Variants in CSMD1 observed in about 807,000 individuals in gnomAD.
The protein encoded by CSMD1 is CUB and Sushi multiple domains 1.
CSMD1 carries 213 observed loss-of-function variants against 417.5 expected under a neutral mutation model. The ratio of observed to expected loss-of-function variants is 0.51; its 90% confidence interval spans 0.46 to 0.57. The LOEUF is 0.57. Among genes scored for constraint, CSMD1 ranks in the 20% least tolerant of loss-of-function variants. The probability of loss-of-function intolerance (pLI) is 0.00; values close to 1 mark genes in which losing one functional copy is unlikely to be tolerated. For missense variants in CSMD1, 6,923 were observed against 4,529.7 expected, an observed-to-expected ratio of 1.53 and a Z score of -15.17; for synonymous variants, 2,862 against 1,736.8, an observed-to-expected ratio of 1.65 and a Z score of -16.11.
At chr8:3,683,470 G>A (rs376559844) in intron 7 of CSMD1, among the ~76,000 whole-genome samples, 1 of 152,244 alleles carries the variant, frequency 6.6e-6, no homozygotes, top group East Asian at 1.9e-4. Context: ...TCCATTTCTG[G>A]AGGGGTGTTC....
chr8:2,974,450 C>G lies in CSMD1; in HGVS notation c.8740+1G>C. 1 of 1,591,432 alleles carries G rather than the reference C, an allele frequency of 6.3e-7. No homozygotes were observed. Among genetic ancestry groups the G allele is most frequent in the Non-Finnish European group, 8.6e-7 (1 of 1,165,456 alleles). ...TGTCAGTTCACTCGTAAGCCCCTCA[C>G]CTGTGCAGTGGGGCAGTGCCCCGCT... On this transcript the variant is annotated splice_donor_variant, in intron 56 of 69. Transcript: ENST00000635120. LOFTEE classifies it high-confidence loss of function.
intron 3 of CSMD1, among the ~76,000 whole-genome samples, chr8:4,130,245 G>A (rs1320947634): frequency 1.3e-5 from 2 of 152,094 alleles, no homozygotes; most frequent in Non-Finnish European, 2.9e-5. Context: ...ATGTAAGTTT[G>A]GAGAGCCAAG....
chr8:3,873,585 C>T (rs140459161), intron 5 of CSMD1, among the ~76,000 whole-genome samples: 1 of 151,970 alleles, frequency 6.6e-6, no homozygotes, highest in Non-Finnish European at 1.5e-5. Context: ...AGAGCATCAG[C>T]AAAAATAACT....
At chr8:4,906,155 A>G (rs537564489) in intron 1 of CSMD1, among the ~76,000 whole-genome samples, 55 of 152,310 alleles carry the variant, frequency 3.6e-4, no homozygotes, top group Middle Eastern at 6.8e-3. Flanking sequence ...CTTCGCTTCA[A>G]AGGAAGTTTC....
intron 5 of CSMD1, among the ~76,000 whole-genome samples, chr8:3,836,269 C>T (rs1802694464): frequency 6.6e-6 from 1 of 152,048 alleles, no homozygotes; most frequent in Admixed American, 6.6e-5. Flanking sequence ...CACAATGTGG[C>T]ATTAAAAAAC....
intron 5 of CSMD1, among the ~76,000 whole-genome samples, chr8:3,817,472 G>C (rs147351694): frequency 2.6e-5 from 4 of 151,226 alleles, no homozygotes; most frequent in African/African-American, 9.7e-5. Flanking sequence ...GTAGAGACGG[G>C]GTTTCACCTC....
intron 4 of CSMD1, among the ~76,000 whole-genome samples, chr8:4,024,246 C>A (rs577842130): frequency 6.6e-6 from 1 of 152,152 alleles, no homozygotes; most frequent in African/African-American, 2.4e-5. Flanking sequence ...ATACTCATAT[C>A]AAGGTGTCAA....
chr8:4,598,160 A>G (rs1489233711), intron 2 of CSMD1, among the ~76,000 whole-genome samples: 1 of 152,208 alleles, frequency 6.6e-6, no homozygotes, highest in Non-Finnish European at 1.5e-5. Context: ...AAGTCAAGTT[A>G]GATAAATAAA....
intron 1 of CSMD1, among the ~76,000 whole-genome samples, chr8:4,834,020 G>A (rs1585181074): frequency 6.6e-6 from 1 of 152,108 alleles, no homozygotes; most frequent in South Asian, 2.1e-4. Flanking sequence ...GACCCGGGAT[G>A]CAATATCGTA....
At chr8:3,801,016 T>A (rs551752690) in intron 5 of CSMD1, among the ~76,000 whole-genome samples, 2 of 151,822 alleles carry the variant, frequency 1.3e-5, no homozygotes, top group Admixed American at 1.3e-4. Context: ...TAAAAATATT[T>A]GAAAAAAGCA....
intron 26 of CSMD1, among the ~76,000 whole-genome samples, chr8:3,256,080 G>C (rs951290939): frequency 1.3e-5 from 2 of 151,986 alleles, no homozygotes; most frequent in Non-Finnish European, 1.5e-5. Flanking sequence ...GTAATCCCAG[G>C]ACTTTGGGGG....
intron 2 of CSMD1, among the ~76,000 whole-genome samples, chr8:4,525,054 G>A (rs565763116): frequency 6.6e-6 from 1 of 151,964 alleles, no homozygotes; most frequent in Non-Finnish European, 1.5e-5. Context: ...TTCTGTTAAC[G>A]ATGTCAATTA....
intron 23 of CSMD1, among the ~76,000 whole-genome samples, chr8:3,338,988 C>A (rs1337903899): frequency 1.7e-5 from 2 of 117,596 alleles, no homozygotes; most frequent in East Asian, 6.0e-4. Flanking sequence ...CTCCCCCCTC[C>A]CCCCACCCCA....
At chr8:4,204,505 T>A (rs549555996) in intron 3 of CSMD1, among the ~76,000 whole-genome samples, 152 of 152,328 alleles carry the variant, frequency 1.0e-3, no homozygotes, top group African/African-American at 3.5e-3. Flanking sequence ...CCAGATTCAA[T>A]TTCCATAATT....
intron 10 of CSMD1, among the ~76,000 whole-genome samples, chr8:3,512,191 G>C (rs553687281): frequency 1.3e-5 from 2 of 152,220 alleles, no homozygotes; most frequent in East Asian, 3.9e-4. Context: ...TGGCACAGAT[G>C]AGTCTGTCCA....
intron 11 of CSMD1, among the ~76,000 whole-genome samples, chr8:3,472,198 C>A (rs762738451): frequency 6.6e-6 from 1 of 152,066 alleles, no homozygotes; most frequent in Non-Finnish European, 1.5e-5. Context: ...CACTCTACTG[C>A]AAGGTATAAC....
chr8:4,270,785 G>A (rs1165720841), intron 3 of CSMD1, among the ~76,000 whole-genome samples: 1 of 152,160 alleles, frequency 6.6e-6, no homozygotes, highest in East Asian at 1.9e-4. Context: ...CCAGGGGGCT[G>A]TGGCTTCCTT....
chr8:3,012,212 A>G (rs1213293961), intron 52 of CSMD1, among the ~76,000 whole-genome samples: 1 of 152,198 alleles, frequency 6.6e-6, no homozygotes, highest in Non-Finnish European at 1.5e-5. Flanking sequence ...GCACACTCCA[A>G]TTTCTCACAA....
intron 1 of CSMD1, among the ~76,000 whole-genome samples, chr8:4,814,758 G>T (rs1799111035): frequency 6.6e-6 from 1 of 152,028 alleles, no homozygotes; most frequent in South Asian, 2.1e-4. Flanking sequence ...TGAGATCATT[G>T]ATAAGGAAAT....
Sources: gnomAD v4.1 joint callset for allele counts (sites outside exome capture counted in the v4.1 genomes callset) on GRCh38, gnomAD v4.1.1 for gene constraint, MANE v1.5 for transcripts, NCBI Gene and HGNC (gene_info 2026-07-23, HGNC 2026-07-21) for gene names.